The following BBS4 variants were observed in gnomAD, a reference collection of about 807,000 sequenced individuals.
The protein encoded by BBS4 is Bardet-Biedl syndrome 4, also known as BBSome complex member BBS4.
Under a neutral mutation model 71.4 loss-of-function variants are expected in BBS4, and 58 were observed. The ratio of observed to expected loss-of-function variants is 0.81; its 90% CI spans 0.66 to 1.01. BBS4 has a LOEUF of 1.01. Among genes scored for constraint, BBS4 ranks in the 50% least tolerant of loss-of-function variants. BBS4 has a pLI of 0.00. For missense variants in BBS4, 660 were observed against 607.9 expected, an observed-to-expected ratio of 1.09 and a Z score of -0.90; for synonymous variants, 228 against 216.8, an observed-to-expected ratio of 1.05 and a Z score of -0.46.
At chr15:72,711,250 C>T (rs1442861427) in intron 3 of BBS4, among the ~76,000 whole-genome samples, 12 of 151,578 alleles carry the variant, frequency 7.9e-5, no homozygotes, top group Admixed American at 3.9e-4. Context: ...TGGGTTCAAG[C>T]GATTGTCCTG....
intron 2 of BBS4, chr15:72,704,531 A>G: frequency 9.5e-7 from 1 of 1,051,220 alleles, no homozygotes; most frequent in Non-Finnish European, 1.3e-6. Context: ...GGGATTTCTG[A>G]GGTATCCAGA....
intron 1 of BBS4, among the ~76,000 whole-genome samples, chr15:72,687,160 C>G (rs35958407): frequency 0.16 from 13,846 of 86,466 alleles, 1,277 homozygotes; most frequent in East Asian, 0.53. Context: ...TGTTGTCGGC[C>G]CGGGCTGGAG....
chr15:72,688,404 A>ATT (rs2064914078), intron 1 of BBS4, among the ~76,000 whole-genome samples: 1 of 65,542 alleles, frequency 1.5e-5, no homozygotes. Flanking sequence ...AGGAAGTGGT[A>ATT]TTTTATCTTT....
chr15:72,707,729 C>G (rs1384655692), intron 2 of BBS4, among the ~76,000 whole-genome samples: 1 of 152,080 alleles, frequency 6.6e-6, no homozygotes, highest in East Asian at 1.9e-4. Flanking sequence ...CTTTCTACTC[C>G]TTGTTACCAC....
rs147123241 is a variant in BBS4 at position 72,705,078 on chromosome 15, G to A, written c.77-4622G>A. On this transcript the variant is annotated intron_variant, in intron 2 of 15. Transcript: ENST00000268057. ...TATTTAAAAGTAAAACCCCCCACCC[G>A]GCACTGTTTCTCTTTCCTGCTTTAT... is the stretch of plus-strand genomic sequence containing the variant. Among the ~76,000 whole-genome samples, 1,015 of 151,930 alleles carry A rather than the reference G, an allele frequency of 6.7e-3. 41 individuals are homozygous for A. Among genetic ancestry groups the A allele is most frequent in the Admixed American group, 0.06 (908 of 15,254 alleles).
chr15:72,731,233 C>T lies in BBS4; in HGVS notation c.712-72C>T, dbSNP rs113826327. 4.3e-4 allele frequency: 683 copies of T among 1,600,870 alleles called. 2 individuals are homozygous for T. In the African/African-American group the frequency reaches 8.5e-3, roughly 20 times the overall value. ...TGCTGATGGGCCTGCTGAGTATAGA[C>T]TCAGGAAAGCTGCCCCACTGCTACA... On this transcript the variant is annotated intron_variant, in intron 10 of 15. Transcript: ENST00000268057.
intron 7 of BBS4, among the ~76,000 whole-genome samples, chr15:72,724,126 T>A (rs2065624976): frequency 6.6e-6 from 1 of 152,166 alleles, no homozygotes; most frequent in South Asian, 2.1e-4. Context: ...TATCATCACA[T>A]TGATGGGGAA....
intron 2 of BBS4, among the ~76,000 whole-genome samples, chr15:72,703,010 C>CA (rs34386047): frequency 6.2e-4 from 92 of 148,788 alleles, no homozygotes; most frequent in Non-Finnish European, 1.0e-3. Flanking sequence ...GGGGTTTCAC[C>CA]TTTTTTTAGC....
At chr15:72,696,815 T>C (rs1352517233) in intron 2 of BBS4, among the ~76,000 whole-genome samples, 1 of 152,106 alleles carries the variant, frequency 6.6e-6, no homozygotes, top group Non-Finnish European at 1.5e-5. Flanking sequence ...GGTTTTGAAC[T>C]CCTGGCTTCA....
At chr15:72,735,204 G>T (rs1260332772) in intron 13 of BBS4, 22 bp downstream of exon 13, 3 of 1,596,282 alleles carry the variant, frequency 1.9e-6, no homozygotes, top group Non-Finnish European at 2.6e-6. Context: ...GTTGAGAATG[G>T]TACTGGCGGG....
At chr15:72,724,350 C>CT (rs1234294409) in intron 7 of BBS4, among the ~76,000 whole-genome samples, 178 bp from the exon 8 acceptor site, 3 of 152,178 alleles carry the variant, frequency 2.0e-5, no homozygotes, top group African/African-American at 7.2e-5. Flanking sequence ...ATGTTGCCAG[C>CT]TGTCTTTTCA....
intron 6 of BBS4, among the ~76,000 whole-genome samples, chr15:72,718,249 C>T (rs2065502795): frequency 6.6e-6 from 1 of 152,180 alleles, no homozygotes; most frequent in Admixed American, 6.5e-5. Flanking sequence ...TATACCCTAT[C>T]CATCCAATAT....
intron 8 of BBS4, among the ~76,000 whole-genome samples, chr15:72,726,753 C>T (rs78242250): frequency 0.082 from 12,459 of 152,242 alleles, 637 homozygotes; most frequent in Non-Finnish European, 0.12. Flanking sequence ...GTAACATGTT[C>T]AGTGCCTCTG....
Position 72,694,148 on chromosome 15 carries a change from G to T in BBS4, c.25-1029G>T, listed in dbSNP as rs531510448. On this transcript the variant is annotated intron_variant, in intron 1 of 15. Transcript: ENST00000268057. ...GATCCACCTGCCTTGGCCTCCCAAA[G>T]TGCTGCAATTACAGGCATGAGGCAC... 3.4e-5 allele frequency among the ~76,000 whole-genome samples: 5 copies of T among 146,664 alleles called. No individual in the cohort carries two copies. In the South Asian group the frequency reaches 8.8e-4, roughly 26 times the overall value.
At position 72,718,944 on chromosome 15, in the gene BBS4, T is replaced by G. The variant is rs147407711; in HGVS notation, c.405+2094T>G. Among the ~76,000 whole-genome samples the G allele has an allele frequency of 2.3e-3, 350 of 152,154 alleles. 1 individual carries two copies. Among genetic ancestry groups the G allele is most frequent in the African/African-American group, 8.1e-3 (335 of 41,426 alleles). On this transcript the variant is annotated intron_variant, in intron 6 of 15. Transcript: ENST00000268057. ...TATAGAAATCTGAAACTCAAGTGTT[T>G]TGGAGTAGAGATGTGAATTCTGGAG...
At chr15:72,714,709 G>A (rs1288799288) in intron 4 of BBS4, among the ~76,000 whole-genome samples, 2 of 152,086 alleles carry the variant, frequency 1.3e-5, no homozygotes, top group African/African-American at 4.8e-5. Flanking sequence ...AGGACATCAT[G>A]GCAAAAAATG....
At chr15:72,702,026 T>C (rs1025890543) in intron 2 of BBS4, among the ~76,000 whole-genome samples, 1 of 151,840 alleles carries the variant, frequency 6.6e-6, no homozygotes, top group African/African-American at 2.4e-5. Context: ...TTTTGTATTT[T>C]TAATAGAGAT....
intron 9 of BBS4, 152 bp from the exon 10 acceptor site, chr15:72,729,464 G>T: frequency 1.4e-6 from 1 of 703,244 alleles, no homozygotes; most frequent in African/African-American, 1.8e-5. Context: ...TGGTCAGGCT[G>T]GTCTCGAACT....
At chr15:72,726,332 G>A (rs1291234172) in intron 8 of BBS4, among the ~76,000 whole-genome samples, 1 of 151,996 alleles carries the variant, frequency 6.6e-6, no homozygotes, top group Non-Finnish European at 1.5e-5. Context: ...GGCTGGTCTC[G>A]AATTCCTGGC....
Sources: allele counts gnomAD v4.1 joint callset (sites outside exome capture counted in the v4.1 genomes callset), GRCh38; gene constraint gnomAD v4.1.1; transcripts MANE v1.5; gene names NCBI Gene and HGNC (gene_info 2026-07-23, HGNC 2026-07-21).